Variants in FAT1 observed in about 807,000 individuals in gnomAD.
The protein encoded by FAT1 is protocadherin Fat 1.
In FAT1, 171 loss-of-function variants were observed where a neutral mutation model predicts 329.8. That is an observed-to-expected ratio of 0.52 (90% CI 0.46 to 0.59). FAT1 has a LOEUF of 0.59. Among genes scored for constraint, FAT1 ranks in the 20% least tolerant of loss-of-function variants. The pLI, the probability that FAT1 is intolerant of heterozygous loss-of-function variation, is 0.00. For missense variants in FAT1, 5,672 were observed against 5,774.4 expected, an observed-to-expected ratio of 0.98 and a Z score of 0.57; for synonymous variants, 2,233 against 2,228.6, an observed-to-expected ratio of 1.00 and a Z score of -0.06.
rs2126685704 is a variant in FAT1, at chr4:186,707,112, G to A, written c.2716C>T (p.Gln906Ter). 6.2e-7 allele frequency: 1 copy of A among 1,613,956 alleles called. No homozygotes were observed. Among genetic ancestry groups the A allele is most frequent in the Non-Finnish European group, 8.5e-7 (1 of 1,179,880 alleles). The change falls in exon 2 of 27, where the codon CAG becomes TAG. Residue 906 changes from glutamine to a stop codon, truncating the protein, a stop_gained. Coordinates refer to ENST00000441802, the MANE Select transcript of FAT1 (RefSeq NM_005245.4). LOFTEE classifies it high-confidence loss of function. Reference protein sequence around the residue: ...EARDQAREEPQLFSTVVVKVS... With the variant: ...EARDQAREEP ...TTCACAACGACAGTGGAGAACAGCT[G>A]AGGCTCTTCTCTGGCTTGGTCCCTG... is the stretch of plus-strand genomic sequence containing the variant.
At chr4:186,599,234 G>C (rs1738675806) in intron 22 of FAT1, among the ~76,000 whole-genome samples, 1 of 152,190 alleles carries the variant, frequency 6.6e-6, no homozygotes, top group Non-Finnish European at 1.5e-5. Context: ...CTCCCTGAGA[G>C]AACAGCAGAA....
chr4:186,688,790 G>C (rs74680165), intron 2 of FAT1, among the ~76,000 whole-genome samples: 2,111 of 152,094 alleles, frequency 0.014, 58 homozygotes, highest in East Asian at 0.079. Flanking sequence ...AATGAAACAG[G>C]TGTATCTGTG....
intron 18 of FAT1, 96 bp downstream of exon 18, chr4:186,604,281 T>C (rs1738983330): frequency 9.5e-7 from 1 of 1,053,890 alleles, no homozygotes; most frequent in Non-Finnish European, 1.4e-6. Flanking sequence ...TTTGTTTTTG[T>C]ATGAAATGTA....
chr4:186,715,502 C>T (rs772348564), intron 1 of FAT1, among the ~76,000 whole-genome samples: 1 of 152,128 alleles, frequency 6.6e-6, no homozygotes, highest in Non-Finnish European at 1.5e-5. Flanking sequence ...AGTAATGTAA[C>T]CAAGAACCAC....
intron 2 of FAT1, among the ~76,000 whole-genome samples, chr4:186,678,049 G>C (rs1016829920): frequency 6.6e-6 from 1 of 152,150 alleles, no homozygotes; most frequent in East Asian, 1.9e-4. Context: ...CTTTAACAAA[G>C]TAATAATAAA....
chr4:186,665,627 C>A (rs992982567), intron 2 of FAT1, among the ~76,000 whole-genome samples: 1 of 152,178 alleles, frequency 6.6e-6, no homozygotes, highest in Middle Eastern at 3.4e-3. Flanking sequence ...AAAATTTTCT[C>A]CCATTCTGTA....
upstream of FAT1, among the ~76,000 whole-genome samples, chr4:186,724,319 G>A (rs916787472): frequency 6.6e-6 from 1 of 151,996 alleles, no homozygotes; most frequent in African/African-American, 2.4e-5. This position sits in a 1 kb window ranked among gnomAD's most constrained non-coding sequence, Gnocchi z 5.3. Context: ...GCGAAGGTTT[G>A]GTGGGCTGAA....
upstream of FAT1, among the ~76,000 whole-genome samples, chr4:186,725,574 GC>G (rs1431686945): frequency 7.9e-5 from 12 of 151,934 alleles, no homozygotes; most frequent in Admixed American, 7.9e-4. The surrounding 1 kb of genome is among the most constrained non-coding windows in gnomAD (Gnocchi z 5.4). Context: ...CGCCACAGGA[GC>G]CGCCGAGAGC....
chr4:186,653,023 A>G (rs891839214), intron 3 of FAT1, among the ~76,000 whole-genome samples: 5 of 152,238 alleles, frequency 3.3e-5, no homozygotes, highest in African/African-American at 1.2e-4. Context: ...CATGTAAAGA[A>G]GCGAATAAAA....
chr4:186,694,993 A>C (rs1022204196), intron 2 of FAT1, among the ~76,000 whole-genome samples: 14 of 152,092 alleles, frequency 9.2e-5, no homozygotes, highest in Non-Finnish European at 1.9e-4. Flanking sequence ...AAAAATACAA[A>C]ACAGCTTTTT....
intron 26 of FAT1, 77 bp from the exon 27 acceptor site, chr4:186,589,297 A>C: frequency 2.8e-6 from 4 of 1,442,578 alleles, no homozygotes; most frequent in Non-Finnish European, 3.7e-6. Context: ...TCAGTGTATC[A>C]AAGACACAAA....
In FAT1 at chr4:186,611,729, C is replaced by A. The variant is rs1739456945; in HGVS notation, c.9510G>T (p.Gly3170=). 2 of 1,588,528 alleles carry A rather than the reference C, an allele frequency of 1.3e-6. No homozygotes were observed. Among genetic ancestry groups the A allele is most frequent in the East Asian group, 2.3e-5 (1 of 43,992 alleles). The part of the protein sequence containing the change: ...ILYSLIDSAD[G]QFSINELSGI... The stretch of plus-strand genomic sequence containing the variant: ...CAGATAATTCGTTAATGGAGAACTG[C>A]CCATCAGCAGAGTCAATCAGTGAGT... Residue 3170 remains glycine, a synonymous_variant, in exon 14 of 27, where the codon GGG becomes GGT. Transcript: ENST00000441802.
intron 3 of FAT1, among the ~76,000 whole-genome samples, chr4:186,644,652 C>T (rs1741272591): frequency 6.8e-6 from 1 of 147,544 alleles, no homozygotes; most frequent in African/African-American, 2.5e-5. Flanking sequence ...TCATTTAGAA[C>T]AGAGAGAATG....
rs746130621 is a variant in FAT1, at chr4:186,636,229, C to T, written c.3979G>A (p.Ala1327Thr). ...AGEYDILSIK[A>T]VDNGRPQKSS... ...TTTTGAGGGCGACCATTGTCAACTG[C>T]CTTAATCTACAACATTTGGGCAGAG... The change falls in exon 6 of 27, where the codon GCA (alanine) becomes ACA (threonine). Residue 1327 changes from alanine to threonine, a missense_variant. Around this residue, in one of 2 missense-constraint regions of FAT1, gnomAD observed 3,966 missense variants for 3,915.2 expected, o/e 1.01. Transcript: ENST00000441802. The T allele has an allele frequency of 1.2e-5, 19 of 1,613,742 alleles. No homozygotes were observed. Among genetic ancestry groups the T allele is most frequent in the African/African-American group, 2.7e-5 (2 of 74,914 alleles).
In FAT1 at chr4:186,639,651, A is replaced by G. The variant is rs1741002952; in HGVS notation, c.3642+71T>C. ...TAGCTAAGAATACTGGTTAATGGGA[A>G]CAAGATTGTTCTTTCCCATGATACT... On this transcript the variant is annotated intron_variant, in intron 4 of 26. Coordinates refer to ENST00000441802, the MANE Select transcript of FAT1 (RefSeq NM_005245.4). 5.8e-6 allele frequency: 6 copies of G among 1,041,182 alleles called. No homozygotes were observed. The East Asian group carries it at 1.4e-4, about 25-fold the overall frequency. 64.5% of individuals were successfully genotyped at this position (1,041,182 alleles called of 1,614,324 possible). A position where few individuals can be genotyped will look rare whatever the true frequency, so the allele number is the denominator to read the frequency against.
rs1415139892 is a variant in FAT1, at chr4:186,619,136, C to T, written c.7450G>A (p.Gly2484Arg). 1 of 1,613,970 alleles carries T rather than the reference C, an allele frequency of 6.2e-7. No individual in the cohort carries two copies. ...AAAGCAGGACTGTGCAAATTGCCTC[C>T]AATTACAGTTACATGAACCTGGGTG... ...SSTQVHVTVI[G>R]GNLHSPAFLQ... The change falls in exon 10 of 27, where the codon GGA becomes AGA. Residue 2484 changes from glycine to arginine, a missense_variant. Coordinates refer to ENST00000441802, the MANE Select transcript of FAT1 (RefSeq NM_005245.4).
In FAT1 at chr4:186,682,526, C is replaced by CAAAAAAAAAAAAAAAAAAAAAAA. The variant is rs10561120; in HGVS notation, c.3266-18914_3266-18913insTTTTTTTTTTTTTTTTTTTTTTT. The stretch of plus-strand genomic sequence containing the variant: ...TGAGTGAAAGAGCGAGACTCTGTCT[C>CAAAAAAAAAAAAAAAAAAAAAAA]AAAAAAAAAAAAAAAAAAGAAAGTT... On this transcript the variant is annotated intron_variant, in intron 2 of 26. Transcript: ENST00000441802. Among the ~76,000 whole-genome samples, 77 of 119,706 alleles carry CAAAAAAAAAAAAAAAAAAAAAAA rather than the reference C, an allele frequency of 6.4e-4. 2 individuals carry two copies. The highest frequency in any genetic ancestry group is 2.4e-3 in the African/African-American group (62 of 25,372). The allele number at this position is 119,706 out of a possible 152,430, so 78.5% of individuals were successfully genotyped here.
At position 186,588,476 on chromosome 4, in the gene FAT1, C is replaced by T; in HGVS notation, c.*116G>A. The T allele has an allele frequency of 8.0e-7, 1 of 1,257,702 alleles. No homozygotes were observed. The highest frequency in any genetic ancestry group is 1.1e-6 in the Non-Finnish European group (1 of 927,870). 77.9% of individuals were successfully genotyped at this position (1,257,702 alleles called of 1,614,324 possible). The stretch of plus-strand genomic sequence containing the variant: ...TCCAGAGGCGCAGGATCCAGCGCAG[C>T]CATGCCCATTCGGCTCACCAAAAAA... On this transcript the variant is annotated 3_prime_UTR_variant, in exon 27 of 27. Coordinates refer to ENST00000441802, the MANE Select transcript of FAT1 (RefSeq NM_005245.4).
intron 3 of FAT1, among the ~76,000 whole-genome samples, chr4:186,648,736 G>A (rs1363191142): frequency 2.2e-4 from 33 of 152,008 alleles, no homozygotes; most frequent in Admixed American, 2.1e-3. Context: ...GGTGTGCATC[G>A]GGATCATGGG....
Sources: allele counts gnomAD v4.1 joint callset (sites outside exome capture counted in the v4.1 genomes callset), GRCh38; gene constraint gnomAD v4.1.1; regional missense constraint gnomAD v4.1.1; non-coding constraint Gnocchi (gnomAD v3.1); transcripts MANE v1.5; gene names NCBI Gene and HGNC (gene_info 2026-07-23, HGNC 2026-07-21).